Variants in CPVL observed in about 807,000 individuals in gnomAD.
CPVL encodes the protein carboxypeptidase vitellogenic like.
In CPVL, 51 loss-of-function variants were observed where a neutral mutation model predicts 63.7. The ratio of observed to expected loss-of-function variants is 0.80; its 90% CI spans 0.64 to 1.01. The LOEUF is 1.01. Among genes scored for constraint, CPVL ranks in the 50% least tolerant of loss-of-function variants. The pLI, the probability that CPVL is intolerant of heterozygous loss-of-function variation, is 0.00. For missense variants in CPVL, 530 were observed against 573.1 expected, an observed-to-expected ratio of 0.92 and a Z score of 0.77; for synonymous variants, 195 against 206.0, an observed-to-expected ratio of 0.95 and a Z score of 0.46.
rs1337140373 is a variant in CPVL, at chr7:29,113,419, T to C, written c.170-597A>G. On this transcript the variant is annotated intron_variant, in intron 2 of 12. Transcript: ENST00000265394. ...GGGAGACTGGGAGTGACCTCATGGC[T>C]ACTCAGGGGGAGCCAAATAGGACAA... Among the ~76,000 whole-genome samples, 5 of 152,064 alleles carry C rather than the reference T, an allele frequency of 3.3e-5. No homozygotes were observed. The East Asian group carries it at 9.7e-4, about 29-fold the overall frequency.
rs538016575 is a variant in CPVL at position 29,195,088 on chromosome 7, C to T, written c.-459G>A. On this transcript the variant is annotated 5_prime_UTR_variant, in exon 1 of 17. Coordinates refer to the CPVL transcript ENST00000409850. The stretch of plus-strand genomic sequence containing the variant: ...TGGACAGAGCCTACCTGTGGCCATC[C>T]CGCCCGCTCTCTCGGAATGGGGGCA... The T allele has an allele frequency of 6.8e-6, 9 of 1,324,490 alleles. No homozygotes were observed. In the African/African-American group the frequency reaches 1.2e-4, roughly 18 times the overall value. The allele number at this position is 1,324,490 out of a possible 1,614,324, so 82.0% of individuals were successfully genotyped here. A position where few individuals can be genotyped will look rare whatever the true frequency, so the allele number is the denominator to read the frequency against.
chr7:29,177,088 T>G (rs965276600), intron 5 of CPVL, among the ~76,000 whole-genome samples: 1 of 152,358 alleles, frequency 6.6e-6, no homozygotes, highest in South Asian at 2.1e-4. Context: ...AGATAAAATA[T>G]TTTTAGTTTA....
intron 1 of CPVL, among the ~76,000 whole-genome samples, chr7:29,188,862 G>A (rs1799038402): frequency 6.6e-6 from 1 of 151,562 alleles, no homozygotes; most frequent in South Asian, 2.1e-4. Flanking sequence ...TTAAAAATTT[G>A]TCCCAGTTGA....
chr7:29,191,045 C>A (rs1274492845), intron 1 of CPVL, among the ~76,000 whole-genome samples: 1 of 152,016 alleles, frequency 6.6e-6, no homozygotes, highest in Admixed American at 6.6e-5. Context: ...AGCAATTCTC[C>A]CCCCTCAGCC....
At chr7:29,112,650 C>T (rs985780115) in intron 3 of CPVL, 54 bp downstream of exon 3, 15 of 1,206,736 alleles carry the variant, frequency 1.2e-5, no homozygotes, top group Admixed American at 3.4e-5. Context: ...CATTTCTACC[C>T]TCAAACGGCA....
intron 6 of CPVL, among the ~76,000 whole-genome samples, chr7:29,089,698 C>T (rs1785574228): frequency 6.6e-6 from 1 of 152,130 alleles, no homozygotes; most frequent in Non-Finnish European, 1.5e-5. Flanking sequence ...CATGAACCAA[C>T]CCTTAATCTG....
intron 4 of CPVL, among the ~76,000 whole-genome samples, chr7:29,183,374 G>A (rs546042185): frequency 1.3e-4 from 19 of 146,912 alleles, no homozygotes; most frequent in Non-Finnish European, 2.4e-4. Context: ...GTGAGCCACC[G>A]TGCCTAGCCT....
intron 11 of CPVL, among the ~76,000 whole-genome samples, chr7:29,062,381 C>T (rs373997182): frequency 3.3e-5 from 5 of 152,218 alleles, no homozygotes; most frequent in South Asian, 4.1e-4. Context: ...GCACTAAGGG[C>T]CACTACATGT....
In CPVL at chr7:29,121,037, T is replaced by C; in HGVS notation, c.25A>G (p.Ile9Val). Residue 9 changes from isoleucine (I) to valine (V), a missense_variant, in exon 2 of 13, where the codon ATT becomes GTT. Coordinates refer to ENST00000265394, the MANE Select transcript of CPVL (RefSeq NM_031311.5). The stretch of plus-strand genomic sequence containing the variant: ...GGCATCAACAGGACCAGCGAAACAA[T>C]CACCTTCCACATGGCACCAACCATC... MVGAMWKV[I>V]VSLVLLMPGP... is the part of the protein sequence containing the mutation. The C allele has an allele frequency of 6.2e-7, 1 of 1,607,474 alleles. No homozygotes were observed. The highest frequency in any genetic ancestry group is 8.5e-7 in the Non-Finnish European group (1 of 1,177,812).
chr7:29,120,652 C>G lies in CPVL; in HGVS notation c.169+241G>C, dbSNP rs188846260. Among the ~76,000 whole-genome samples, 299 of 151,838 alleles carry G rather than the reference C, an allele frequency of 2.0e-3. 1 individual carries two copies. The highest frequency in any genetic ancestry group is 6.8e-3 in the African/African-American group (282 of 41,416). Reference sequence around the variant, plus strand: ...TCCTGGCCAACATGGTGAAACCCCTCTCTACTAAAAATACAAAAATTATCT... The same window carrying G: ...TCCTGGCCAACATGGTGAAACCCCTGTCTACTAAAAATACAAAAATTATCT... On this transcript the variant is annotated intron_variant, in intron 2 of 12. Transcript: ENST00000265394.
At chr7:29,056,442 C>G (rs537192316) in intron 11 of CPVL, among the ~76,000 whole-genome samples, 1 of 152,170 alleles carries the variant, frequency 6.6e-6, no homozygotes, top group African/African-American at 2.4e-5. Flanking sequence ...TCATACAGTA[C>G]GTAGCCTTTT....
chr7:29,009,877 T>C (rs1785631894), intron 12 of CPVL: 2 of 152,162 alleles, frequency 1.3e-5, no homozygotes, highest in Non-Finnish European at 2.9e-5. Flanking sequence ...TTAGACAGCA[T>C]GGTAAATATT....
chr7:29,114,286 T>A (rs1223367030), intron 2 of CPVL, among the ~76,000 whole-genome samples: 1 of 152,110 alleles, frequency 6.6e-6, no homozygotes, highest in South Asian at 2.1e-4. Context: ...GTGGGAAGTA[T>A]AGTTCTCATT....
At chr7:29,180,883 G>T (rs1405393888) in intron 5 of CPVL, among the ~76,000 whole-genome samples, 1 of 152,166 alleles carries the variant, frequency 6.6e-6, no homozygotes, top group African/African-American at 2.4e-5. Context: ...AAGCATGACT[G>T]CTTGCAGTGT....
intron 11 of CPVL, among the ~76,000 whole-genome samples, chr7:29,045,155 T>C (rs1193422522): frequency 1.3e-5 from 2 of 152,124 alleles, no homozygotes; most frequent in African/African-American, 4.8e-5. Flanking sequence ...TCATCTAACA[T>C]AAAGTATGAA....
chr7:28,997,728 C>T (rs1380751517), intron 12 of CPVL, among the ~76,000 whole-genome samples: 4 of 145,084 alleles, frequency 2.8e-5, no homozygotes, highest in African/African-American at 9.7e-5. Context: ...CATTCCTTAT[C>T]TTTGAACTGA....
At chr7:28,996,756 C>CTA (rs1784115459) in intron 12 of CPVL, among the ~76,000 whole-genome samples, 1 of 152,138 alleles carries the variant, frequency 6.6e-6, no homozygotes, top group African/African-American at 2.4e-5. Flanking sequence ...AAGGGTGCCT[C>CTA]TATGCATCCC....
At chr7:29,123,683 A>G (rs1379265809) in intron 1 of CPVL, among the ~76,000 whole-genome samples, 1 of 117,874 alleles carries the variant, frequency 8.5e-6, no homozygotes, top group Admixed American at 9.9e-5. Context: ...ATAATGGAAG[A>G]AGCTCTTCCA....
intron 12 of CPVL, among the ~76,000 whole-genome samples, chr7:29,003,217 GAC>G (rs903753816): frequency 6.6e-6 from 1 of 151,166 alleles, no homozygotes; most frequent in Non-Finnish European, 1.5e-5. Flanking sequence ...TAAAAGCAAA[GAC>G]AGAGAAAATC....
Sources: gnomAD v4.1 joint callset for allele counts (sites outside exome capture counted in the v4.1 genomes callset) on GRCh38, gnomAD v4.1.1 for gene constraint, MANE v1.5 for transcripts, NCBI Gene and HGNC (gene_info 2026-07-23, HGNC 2026-07-21) for gene names.